Variants in SLC35D1 observed in about 807,000 individuals in gnomAD.
SLC35D1 encodes nucleotide sugar transporter SLC35D1.
In SLC35D1, 31 loss-of-function variants were observed where a neutral mutation model predicts 46.7. The ratio of observed to expected loss-of-function variants is 0.66; its 90% CI spans 0.50 to 0.90. The LOEUF is 0.90. SLC35D1 is among the 40% of genes least tolerant of loss of function. The probability of loss-of-function intolerance (pLI) is 0.00; values close to 1 mark genes in which losing one functional copy is unlikely to be tolerated. For synonymous variants in SLC35D1, 195 were observed against 164.6 expected (o/e 1.18, Z -1.41); for missense variants, 397 against 426.2 (o/e 0.93, Z 0.60).
chr1:66,986,362 AC>A, the SLC35D1 span: 1 of 1,595,518 alleles, frequency 6.3e-7, no homozygotes, highest in Non-Finnish European at 8.5e-7. Flanking sequence ...CTATATCCAA[AC>A]TTTTATAAAA....
chr1:66,994,084 C>T, the SLC35D1 span, among the ~76,000 whole-genome samples: 1 of 152,212 alleles, frequency 6.6e-6, no homozygotes, highest in Non-Finnish European at 1.5e-5. Context: ...GGTTTGCAAG[C>T]ATGCATGCTT....
downstream of SLC35D1, among the ~76,000 whole-genome samples, chr1:66,997,284 G>C (rs1345473768): frequency 6.6e-6 from 1 of 151,938 alleles, no homozygotes; most frequent in Non-Finnish European, 1.5e-5. Flanking sequence ...ACCCAGGCAG[G>C]CAGATTGCTT....
At chr1:67,015,322 T>A (rs186507399) in intron 10 of SLC35D1, among the ~76,000 whole-genome samples, 135 of 152,120 alleles carry the variant, frequency 8.9e-4, no homozygotes, top group Admixed American at 2.6e-3. Context: ...TAAATAGATT[T>A]ATTTACAAGG....
At position 67,042,346 on chromosome 1, in the gene SLC35D1, T is replaced by C; in HGVS notation, c.637-18A>G. 1.2e-6 allele frequency: 2 copies of C among 1,609,188 alleles called. No individual in the cohort carries two copies. The highest frequency in any genetic ancestry group is 1.7e-6 in the Non-Finnish European group (2 of 1,175,482). ...CCCAGCTCCTAGGACAGTAAATAAT[T>C]AGGTGTTTCATCTGCGTTTTGTTCT... On this transcript the variant is annotated intron_variant, in intron 7 of 11. Transcript: ENST00000235345.
intron 8 of SLC35D1, among the ~76,000 whole-genome samples, chr1:67,038,249 T>C (rs949360532): frequency 2.0e-5 from 3 of 152,160 alleles, no homozygotes; most frequent in Non-Finnish European, 4.4e-5. Flanking sequence ...CCAGAAAAGA[T>C]GAATAACTCT....
chr1:67,030,587 A>AT (rs546746547), intron 8 of SLC35D1, among the ~76,000 whole-genome samples: 37 of 148,738 alleles, frequency 2.5e-4, no homozygotes, highest in African/African-American at 2.9e-4. Context: ...ATTACTTTTA[A>AT]TTTTTTTTTT....
At chr1:66,978,500 G>T in the SLC35D1 span, among the ~76,000 whole-genome samples, 1 of 152,036 alleles carries the variant, frequency 6.6e-6, no homozygotes, top group African/African-American at 2.4e-5. Flanking sequence ...ATTGCTTAAT[G>T]TTAAATTTAT....
At chr1:67,027,808 T>C (rs1169383237) in intron 8 of SLC35D1, among the ~76,000 whole-genome samples, 2 of 152,190 alleles carry the variant, frequency 1.3e-5, no homozygotes, top group African/African-American at 4.8e-5. Context: ...CTTGGCTCAC[T>C]GCAATCTCTG....
chr1:66,992,749 A>G, the SLC35D1 span, among the ~76,000 whole-genome samples: 2 of 152,374 alleles, frequency 1.3e-5, no homozygotes, highest in East Asian at 1.9e-4. Flanking sequence ...GGTCTTCATC[A>G]TAAGATGGCA....
In SLC35D1 at chr1:67,004,467, C is replaced by T; in HGVS notation, c.960-19G>A. ...AGCAATGCTGCAAAACAGAAAGCCA[C>T]TATCAGAGATGGAGGAAGGGAGGGT... On this transcript the variant is annotated intron_variant, in intron 11 of 11. Transcript: ENST00000235345. 1 of 1,607,864 alleles carries T rather than the reference C, an allele frequency of 6.2e-7. No homozygotes were observed. Among genetic ancestry groups the T allele is most frequent in the Non-Finnish European group, 8.5e-7 (1 of 1,174,592 alleles).
At chr1:67,047,210 G>A (rs1645261017) in intron 7 of SLC35D1, 55 bp downstream of exon 7, 1 of 1,380,520 alleles carries the variant, frequency 7.2e-7, no homozygotes, top group Non-Finnish European at 1.0e-6. Flanking sequence ...TTTCTCCTAT[G>A]AATTGACATG....
Position 67,020,416 on chromosome 1 carries a change from T to C in SLC35D1, c.829A>G (p.Thr277Ala), listed in dbSNP as rs762061949. 6.2e-7 allele frequency: 1 copy of C among 1,611,200 alleles called. No individual in the cohort carries two copies. ...GTTGTAAGAGCAGAATTATACTGCG[T>C]GCAGAGTACTGTGGCGTACATTAAG... ...FILMYATVLC[T>A]QYNSALTTTI... Residue 277 changes from threonine (T) to alanine (A), a missense_variant, in exon 10 of 12, where the codon ACG becomes GCG. Physicochemically the swap from Thr to Ala is moderately conservative, Grantham distance 58. Transcript: ENST00000235345.
At chr1:67,015,546 T>C (rs955243496) in intron 10 of SLC35D1, among the ~76,000 whole-genome samples, 1 of 152,060 alleles carries the variant, frequency 6.6e-6, no homozygotes, top group South Asian at 2.1e-4. Flanking sequence ...CATGCCACCA[T>C]GCTCAGCCAA....
At chr1:67,042,487 TAAGA>T (rs1365144955) in intron 7 of SLC35D1, among the ~76,000 whole-genome samples, 159 bp from the exon 8 acceptor site, 1 of 152,116 alleles carries the variant, frequency 6.6e-6, no homozygotes, top group East Asian at 1.9e-4. Context: ...TTGCAAACAT[TAAGA>T]AATAATCTAA....
chr1:67,032,953 T>C (rs1668047499), intron 8 of SLC35D1, among the ~76,000 whole-genome samples: 1 of 152,164 alleles, frequency 6.6e-6, no homozygotes, highest in Non-Finnish European at 1.5e-5. Context: ...ATCAGATCAA[T>C]TGTTTTAATG....
rs1667380034 is a variant in SLC35D1, at chr1:67,003,285, T to G, written c.*1055A>C. The G allele has an allele frequency of 6.6e-6, 1 of 152,360 alleles. No homozygotes were observed. Among genetic ancestry groups the G allele is most frequent in the South Asian group, 2.1e-4 (1 of 4,836 alleles). The allele number at this position is 152,360 out of a possible 1,614,324, so 9.4% of individuals were successfully genotyped here. On this transcript the variant is annotated 3_prime_UTR_variant, in exon 12 of 12. Transcript: ENST00000235345. ...AGGAAGGTGGCAAGGGAAAACAGAC[T>G]TGCCTGTCTGCAATTTTCACTTAGA...
chr1:66,984,657 A>C, the SLC35D1 span: 342 of 1,613,830 alleles, frequency 2.1e-4, no homozygotes, highest in Admixed American at 9.8e-4. Flanking sequence ...CAACAGGTGG[A>C]AATAAGAAAC....
chr1:67,019,921 T>C (rs1487226341), intron 10 of SLC35D1, among the ~76,000 whole-genome samples: 2 of 152,128 alleles, frequency 1.3e-5, no homozygotes, highest in African/African-American at 4.8e-5. Context: ...GACACAGCTT[T>C]CAAAAGTGAG....
chr1:67,042,081 A>G (rs1645193245), intron 8 of SLC35D1, among the ~76,000 whole-genome samples, 155 bp downstream of exon 8: 1 of 152,226 alleles, frequency 6.6e-6, no homozygotes, highest in Non-Finnish European at 1.5e-5. Flanking sequence ...CCAAGAAAAG[A>G]GGTTAGCATG....
Sources: allele counts gnomAD v4.1 joint callset (sites outside exome capture counted in the v4.1 genomes callset), GRCh38; gene constraint gnomAD v4.1.1; transcripts MANE v1.5; gene names NCBI Gene and HGNC (gene_info 2026-07-23, HGNC 2026-07-21).